FERMT1: variants seen among roughly 807,000 people sequenced by gnomAD.
FERMT1 encodes fermitin family homolog 1.
Under a neutral mutation model 85.3 loss-of-function variants are expected in FERMT1, and 60 were observed. The observed-to-expected ratio is 0.70, with a 90% CI of 0.57 to 0.87. FERMT1 has a LOEUF of 0.87. Among genes scored for constraint, FERMT1 ranks in the 40% least tolerant of loss-of-function variants. FERMT1 has a pLI of 0.00. For synonymous variants in FERMT1, 275 were observed against 301.1 expected, an observed-to-expected ratio of 0.91 and a Z score of 0.90; for missense variants, 701 against 818.9, an observed-to-expected ratio of 0.86 and a Z score of 1.76.
At chr20:6,116,145 A>C (rs1983093291) in intron 2 of FERMT1, 101 bp from the exon 3 acceptor site, 2 of 828,880 alleles carry the variant, frequency 2.4e-6, no homozygotes, top group Non-Finnish European at 4.0e-6. Context: ...AATGGAAACC[A>C]ACAACTGATC....
intron 6 of FERMT1, among the ~76,000 whole-genome samples, chr20:6,106,473 G>A (rs1394673862): frequency 6.6e-6 from 1 of 152,196 alleles, no homozygotes. Context: ...GTGTCTGGCA[G>A]TAAATGGAAA....
At chr20:6,113,466 T>C (rs1204519114) in intron 3 of FERMT1, among the ~76,000 whole-genome samples, 3 of 152,162 alleles carry the variant, frequency 2.0e-5, no homozygotes, top group African/African-American at 7.2e-5. Context: ...TGAACGTCTT[T>C]CTTTTACACA....
chr20:6,103,853 G>A (rs1982728216), intron 6 of FERMT1, among the ~76,000 whole-genome samples: 1 of 143,070 alleles, frequency 7.0e-6, no homozygotes, highest in South Asian at 2.2e-4. Context: ...CATTTTTTGA[G>A]TCTATTATTA....
intron 9 of FERMT1, among the ~76,000 whole-genome samples, chr20:6,092,243 G>A (rs2123111808): frequency 6.6e-6 from 1 of 152,176 alleles, no homozygotes; most frequent in South Asian, 2.1e-4. Context: ...AAACACATAA[G>A]ACATTTAAAT....
intron 6 of FERMT1, among the ~76,000 whole-genome samples, chr20:6,105,795 C>A (rs557462988): frequency 6.6e-6 from 1 of 152,100 alleles, no homozygotes; most frequent in Non-Finnish European, 1.5e-5. Flanking sequence ...CACAAACAAA[C>A]AACAGATGGG....
rs1982543664 is a variant in FERMT1 at position 6,097,589 on chromosome 20, A to T, written c.892T>A (p.Trp298Arg). 1 of 1,613,980 alleles carries T rather than the reference A, an allele frequency of 6.2e-7. No individual in the cohort carries two copies. The highest frequency in any genetic ancestry group is 1.1e-5 in the South Asian group (1 of 91,088). Residue 298 changes from tryptophan (W) to arginine (R), a missense_variant, in exon 7 of 15, where the codon TGG becomes AGG. Transcript: ENST00000217289. The stretch of plus-strand genomic sequence containing the variant: ...TCAATTTCTTCTAAGAGAATGGCCC[A>T]CCTGGCTTGCTCATAGAGTTGGTTT... ...RINQLYEQAR[W>R]AILLEEIDCT...
chr20:6,115,868 G>C lies in FERMT1; in HGVS notation c.328C>G (p.Arg110Gly). 1 of 1,614,142 alleles carries C rather than the reference G, an allele frequency of 6.2e-7. No individual in the cohort carries two copies. ...AAAACCACAGCTGAGAAGCTGACTC[G>C]CAACCTCACCATCTTCAAATTCGGC... Reference protein sequence around the residue: ...RLPNLKMVRLRVSFSAVVFKA... With the variant: ...RLPNLKMVRLGVSFSAVVFKA... The change falls in exon 3 of 15, where the codon CGA (arginine) becomes GGA (glycine). Residue 110 changes from arginine (R) to glycine (G), a missense_variant. By Grantham distance (125) the Arg-to-Gly change is moderately radical (BLOSUM62 -2). Transcript: ENST00000217289.
chr20:6,119,593 C>T lies in FERMT1; in HGVS notation c.-18-21G>A, dbSNP rs1373770891. 11 of 1,602,006 alleles carry T rather than the reference C, an allele frequency of 6.9e-6. No homozygotes were observed. In the East Asian group the frequency reaches 1.8e-4, roughly 26 times the overall value. On this transcript the variant is annotated intron_variant, in intron 1 of 14. Coordinates refer to ENST00000217289, the MANE Select transcript of FERMT1 (RefSeq NM_017671.5). ...GGTGTCTGCTGAACAAAAAGGCAGA[C>T]ATAGATTGGAATGTGGGAAGGAAAC...
chr20:6,101,178 C>T (rs1279847120), intron 6 of FERMT1, among the ~76,000 whole-genome samples: 3 of 152,100 alleles, frequency 2.0e-5, no homozygotes, highest in African/African-American at 2.4e-5. Flanking sequence ...TCACAGATGC[C>T]GTTAGTAGAA....
At chr20:6,080,963 G>A (rs1216664385) in intron 13 of FERMT1, among the ~76,000 whole-genome samples, 1 of 152,204 alleles carries the variant, frequency 6.6e-6, no homozygotes, top group Non-Finnish European at 1.5e-5. Context: ...CCAAGAAGGT[G>A]AGTAGAGATT....
chr20:6,084,971 G>T, intron 12 of FERMT1, 95 bp downstream of exon 12: 1 of 1,220,318 alleles, frequency 8.2e-7, no homozygotes, highest in Non-Finnish European at 1.2e-6. Context: ...GGAATTACAG[G>T]TGTGAGCCAC....
chr20:6,112,452 A>G, intron 4 of FERMT1, 25 bp downstream of exon 4: 1 of 1,612,102 alleles, frequency 6.2e-7, no homozygotes, highest in Non-Finnish European at 8.5e-7. Context: ...CGTTCAAACA[A>G]CAAAACACCT....
Position 6,096,418 on chromosome 20 carries a change from C to T in FERMT1, c.1089+484G>A, listed in dbSNP as rs6107759. Reference sequence around the variant, plus strand: ...TGTGTGTCTGTAGTCCCAGCTACTCCGGAGGCTGAGATGGGAGGACTGCTT... The same window carrying T: ...TGTGTGTCTGTAGTCCCAGCTACTCTGGAGGCTGAGATGGGAGGACTGCTT... On this transcript the variant is annotated intron_variant, in intron 8 of 14. Transcript: ENST00000217289. Among the ~76,000 whole-genome samples the T allele has an allele frequency of 9.2e-3, 1,401 of 152,132 alleles. 17 individuals are homozygous for T. The highest frequency in any genetic ancestry group is 0.031 in the African/African-American group (1,278 of 41,500).
chr20:6,085,051 C>G lies in FERMT1; in HGVS notation c.1593+15G>C. 2 of 1,603,306 alleles carry G rather than the reference C, an allele frequency of 1.2e-6. No homozygotes were observed. Among genetic ancestry groups the G allele is most frequent in the Non-Finnish European group, 1.7e-6 (2 of 1,170,148 alleles). ...AATTTACTGCAAACAATTGCCCTAA[C>G]AAGATTAACAGTACCTGTTTGGATT... is the stretch of plus-strand genomic sequence containing the variant. On this transcript the variant is annotated intron_variant, in intron 12 of 14. Transcript: ENST00000217289.
At chr20:6,094,088 T>G (rs1982437515) in intron 9 of FERMT1, 1 of 145,224 alleles carries the variant, frequency 6.9e-6, no homozygotes. Context: ...GGACACTTGT[T>G]TGTCATTTAT....
intron 1 of FERMT1, among the ~76,000 whole-genome samples, chr20:6,121,522 G>A (rs1165557449): frequency 6.6e-6 from 1 of 152,254 alleles, no homozygotes; most frequent in African/African-American, 2.4e-5. Context: ...GTGCCACTCA[G>A]TGACTGCATT....
rs1409078510 is a variant in FERMT1 at position 6,085,188 on chromosome 20, A to T, written c.1471T>A (p.Ser491Thr). Residue 491 changes from serine to threonine, a missense_variant, in exon 12 of 15, where the codon TCA (serine) becomes ACA (threonine). Ser to Thr is a moderately conservative substitution (Grantham distance 58). Transcript: ENST00000217289. ...TTCCTGTTTTTCATCCTCAGAAATG[A>T]AAGGATGTTGAGGACCTCTGGCTGG... ...SYQPEVLNIL[S>T]FLRMKNRNSA... 1 of 1,614,028 alleles carries T rather than the reference A, an allele frequency of 6.2e-7. No homozygotes were observed. Among genetic ancestry groups the T allele is most frequent in the Non-Finnish European group, 8.5e-7 (1 of 1,180,024 alleles).
At chr20:6,078,303 T>C (rs1981890116) in intron 14 of FERMT1, among the ~76,000 whole-genome samples, 1 of 152,180 alleles carries the variant, frequency 6.6e-6, no homozygotes, top group Non-Finnish European at 1.5e-5. Context: ...GAACTTGATT[T>C]TACAAATAAG....
In FERMT1 at chr20:6,078,739, T is replaced by G. The variant is rs552271919; in HGVS notation, c.1860+697A>C. Among the ~76,000 whole-genome samples, 14 of 150,572 alleles carry G rather than the reference T, an allele frequency of 9.3e-5. No homozygotes were observed. In the East Asian group the frequency reaches 2.8e-3, roughly 30 times the overall value. On this transcript the variant is annotated intron_variant, in intron 14 of 14. Coordinates refer to ENST00000217289, the MANE Select transcript of FERMT1 (RefSeq NM_017671.5). ...CCAGCCTCAAGTGATCCTTCCCACCTCGGCCTCCCAAAGCACTGGGCAGAA... is the reference window on the plus strand; with the variant it reads ...CCAGCCTCAAGTGATCCTTCCCACCGCGGCCTCCCAAAGCACTGGGCAGAA...
Sources: gnomAD v4.1 joint callset for allele counts (sites outside exome capture counted in the v4.1 genomes callset) on GRCh38, gnomAD v4.1.1 for gene constraint, MANE v1.5 for transcripts, NCBI Gene and HGNC (gene_info 2026-07-23, HGNC 2026-07-21) for gene names.